ZDHHC14: variants seen among roughly 807,000 people sequenced by gnomAD.
ZDHHC14 encodes palmitoyltransferase ZDHHC14.
ZDHHC14 carries 16 observed loss-of-function variants against 47.7 expected under a neutral mutation model. That is an observed-to-expected ratio of 0.34 (90% confidence interval 0.23 to 0.51). The LOEUF is 0.51. Among genes scored for constraint, ZDHHC14 ranks in the 20% least tolerant of loss-of-function variants. The pLI, the probability that ZDHHC14 is intolerant of heterozygous loss-of-function variation, is 0.97. For synonymous variants in ZDHHC14, 293 were observed against 278.9 expected (o/e 1.05, Z -0.50); for missense variants, 515 against 662.5 (o/e 0.78, Z 2.44).
chr6:157,605,004 T>C (rs1784481761), intron 3 of ZDHHC14, among the ~76,000 whole-genome samples: 1 of 152,260 alleles, frequency 6.6e-6, no homozygotes, highest in South Asian at 2.1e-4. Context: ...TGTGGCTGTG[T>C]CAGCTGATCC....
In ZDHHC14 at chr6:157,599,038, C is replaced by G. The variant is rs142238245; in HGVS notation, c.565+5892C>G. ...TTTGTAAAGAAGCTTTTTAAAGAGG[C>G]TTTTCATAAATCTTGGGTGACAGAA... On this transcript the variant is annotated intron_variant, in intron 3 of 8. Transcript: ENST00000359775. Among the ~76,000 whole-genome samples, 1,230 of 152,260 alleles carry G rather than the reference C, an allele frequency of 8.1e-3. 14 individuals are homozygous for G. The highest frequency in any genetic ancestry group is 0.028 in the African/African-American group (1,176 of 41,562).
intron 1 of ZDHHC14, among the ~76,000 whole-genome samples, chr6:157,408,495 C>T (rs1302440667): frequency 6.6e-6 from 1 of 152,182 alleles, no homozygotes; most frequent in Admixed American, 6.5e-5. Context: ...GTTCCCCTCC[C>T]TGTGTCCATG....
intron 1 of ZDHHC14, among the ~76,000 whole-genome samples, chr6:157,480,762 C>T (rs1779607501): frequency 6.6e-6 from 1 of 150,942 alleles, no homozygotes; most frequent in Non-Finnish European, 1.5e-5. Flanking sequence ...AAGAGTATAA[C>T]TATTACTTCT....
chr6:157,585,050 C>CA (rs934602519), intron 2 of ZDHHC14, among the ~76,000 whole-genome samples: 8 of 151,860 alleles, frequency 5.3e-5, no homozygotes, highest in African/African-American at 1.7e-4. Flanking sequence ...ACTAAAAATA[C>CA]AAAAAAATTA....
intron 3 of ZDHHC14, among the ~76,000 whole-genome samples, chr6:157,598,507 A>G (rs1221496085): frequency 6.6e-6 from 1 of 152,212 alleles, no homozygotes; most frequent in Non-Finnish European, 1.5e-5. Context: ...TATTAAGAGC[A>G]GACCAAGGAG....
intron 1 of ZDHHC14, among the ~76,000 whole-genome samples, chr6:157,522,987 T>TTCCTTC (rs1562461116): frequency 1.1e-4 from 4 of 35,484 alleles, no homozygotes; most frequent in African/African-American, 7.2e-4. Flanking sequence ...TTTCTTTTTC[T>TTCCTTC]TTTCTTTTCT....
intron 1 of ZDHHC14, among the ~76,000 whole-genome samples, chr6:157,383,094 A>T (rs1246995828): frequency 6.6e-6 from 1 of 152,208 alleles, no homozygotes; most frequent in African/African-American, 2.4e-5. Flanking sequence ...GGAAAATCAA[A>T]TTGGCCAGTA....
At chr6:157,492,200 G>GCCCCCGCC (rs1332100315) in intron 1 of ZDHHC14, among the ~76,000 whole-genome samples, 13 of 81,168 alleles carry the variant, frequency 1.6e-4, no homozygotes, top group South Asian at 4.1e-4. Context: ...TCCCCCCTCC[G>GCCCCCGCC]CCCCCGCCCC....
At chr6:157,610,005 C>T (rs1378980336) in intron 3 of ZDHHC14, among the ~76,000 whole-genome samples, 1 of 152,198 alleles carries the variant, frequency 6.6e-6, no homozygotes, top group Non-Finnish European at 1.5e-5. Context: ...TGGGGTGAAT[C>T]ATTGAAGTTC....
At chr6:157,475,996 A>G (rs1488386922) in intron 1 of ZDHHC14, among the ~76,000 whole-genome samples, 1 of 152,196 alleles carries the variant, frequency 6.6e-6, no homozygotes, top group Non-Finnish European at 1.5e-5. Context: ...ACTTGCATCA[A>G]AAAAGAGGAA....
rs895115962 is a variant in ZDHHC14 at position 157,549,671 on chromosome 6, G to C, written c.406+6926G>C. 1.1e-4 allele frequency among the ~76,000 whole-genome samples: 16 copies of C among 152,322 alleles called. No homozygotes were observed. The East Asian group carries it at 3.1e-3, about 29-fold the overall frequency. ...TTTAACAAGAAACCCCAGCCTGGGA[G>C]AACTGGAAACCAGATGTCACAACTC... On this transcript the variant is annotated intron_variant, in intron 2 of 8. Transcript: ENST00000359775.
chr6:157,671,931 C>G (rs985054934), intron 8 of ZDHHC14, among the ~76,000 whole-genome samples: 3 of 152,120 alleles, frequency 2.0e-5, no homozygotes, highest in African/African-American at 4.8e-5. Context: ...GTTCTGCAAC[C>G]ACCACTACCA....
intron 1 of ZDHHC14, among the ~76,000 whole-genome samples, chr6:157,437,514 C>T (rs911835202): frequency 1.3e-5 from 2 of 152,204 alleles, no homozygotes; most frequent in South Asian, 2.1e-4. Context: ...AGTGAGTGCT[C>T]TTCCCAGAAG....
chr6:157,619,904 C>T (rs1371739527), intron 3 of ZDHHC14, among the ~76,000 whole-genome samples: 1 of 152,092 alleles, frequency 6.6e-6, no homozygotes, highest in African/African-American at 2.4e-5. Context: ...AATTTAGTCC[C>T]CATGTGGAAG....
At chr6:157,460,405 GAAAAAAAA>G (rs1164382844) in intron 1 of ZDHHC14, among the ~76,000 whole-genome samples, 5 of 43,360 alleles carry the variant, frequency 1.2e-4, no homozygotes, top group South Asian at 1.0e-3. Flanking sequence ...TCTCTCTCTG[GAAAAAAAA>G]AAAAAAAAAA....
Position 157,445,151 on chromosome 6 carries a change from A to ATATC in ZDHHC14, c.245+62898_245+62901dup, listed in dbSNP as rs58049616. ...ACACACACACACACACACACTCTTC[A>ATATC]TATCTATCTATCTATCATCATCATC... On this transcript the variant is annotated intron_variant, in intron 1 of 8. Transcript: ENST00000359775. Among the ~76,000 whole-genome samples, 633 of 132,654 alleles carry ATATC rather than the reference A, an allele frequency of 4.8e-3. 6 individuals carry two copies. Among genetic ancestry groups the ATATC allele is most frequent in the East Asian group, 0.02 (80 of 3,942 alleles). 87.0% of individuals were successfully genotyped at this position (132,654 alleles called of 152,430 possible).
chr6:157,467,924 G>T (rs943810283), intron 1 of ZDHHC14, among the ~76,000 whole-genome samples: 13 of 152,088 alleles, frequency 8.5e-5, no homozygotes, highest in Non-Finnish European at 1.9e-4. Context: ...ATTTGAGTTG[G>T]TTCCACTTTG....
chr6:157,616,429 G>C (rs576563955), intron 3 of ZDHHC14, among the ~76,000 whole-genome samples: 3 of 152,168 alleles, frequency 2.0e-5, no homozygotes, highest in Non-Finnish European at 4.4e-5. Context: ...GGGAGGGCCC[G>C]TGGGACAATT....
At chr6:157,492,207 C>T (rs983064705) in intron 1 of ZDHHC14, among the ~76,000 whole-genome samples, 2 of 101,936 alleles carry the variant, frequency 2.0e-5, no homozygotes, top group South Asian at 5.3e-4. Flanking sequence ...TCCGCCCCCG[C>T]CCCCCAGCCA....
Sources: allele counts gnomAD v4.1 joint callset (sites outside exome capture counted in the v4.1 genomes callset), GRCh38; gene constraint gnomAD v4.1.1; transcripts MANE v1.5; gene names NCBI Gene and HGNC (gene_info 2026-07-23, HGNC 2026-07-21).